KCNMA1: variants seen among roughly 807,000 people sequenced by gnomAD.
KCNMA1 encodes the protein potassium calcium-activated channel subfamily M alpha 1.
In KCNMA1, 29 loss-of-function variants were observed where a neutral mutation model predicts 140.0. The observed-to-expected ratio is 0.21, with a 90% CI of 0.15 to 0.28. The LOEUF (loss-of-function observed/expected upper bound fraction) is 0.28, where lower values mean the gene tolerates loss of function less well. KCNMA1 is among the 10% of genes least tolerant of loss of function. The pLI is 1.00. For missense variants in KCNMA1, 880 were observed against 1,602.2 expected (o/e 0.55, Z 7.70); for synonymous variants, 612 against 611.9 (o/e 1.00, Z 0.00).
chr10:77,558,277 T>C (rs2065214101), intron 1 of KCNMA1, among the ~76,000 whole-genome samples: 1 of 152,108 alleles, frequency 6.6e-6, no homozygotes, highest in South Asian at 2.1e-4. Context: ...AATCAGGTAA[T>C]ACCCTGGCAG....
chr10:77,042,939 C>T (rs957208154), intron 14 of KCNMA1, among the ~76,000 whole-genome samples: 2 of 152,056 alleles, frequency 1.3e-5, no homozygotes, highest in African/African-American at 2.4e-5. Flanking sequence ...TATTTACTTC[C>T]CCATATTTTT....
intron 2 of KCNMA1, among the ~76,000 whole-genome samples, chr10:77,363,667 G>T (rs1603418640): frequency 6.6e-6 from 1 of 152,172 alleles, no homozygotes; most frequent in Non-Finnish European, 1.5e-5. Context: ...TCACTGGCTT[G>T]GCCATCCAAT....
chr10:77,182,301 A>G (rs148771082), intron 5 of KCNMA1, among the ~76,000 whole-genome samples: 1 of 152,376 alleles, frequency 6.6e-6, no homozygotes, highest in Non-Finnish European at 1.5e-5. Context: ...TTATGGCTGA[A>G]TATACTGCGA....
chr10:76,888,228 A>T (rs3781139), intron 27 of KCNMA1: 29,276 of 152,784 alleles, frequency 0.19, 3,031 homozygotes, highest in Non-Finnish European at 0.23. Flanking sequence ...GACCTACTGA[A>T]TTGGAAGTGC....
chr10:77,479,832 C>T (rs1461559018), intron 1 of KCNMA1, among the ~76,000 whole-genome samples: 4 of 152,186 alleles, frequency 2.6e-5, no homozygotes, highest in African/African-American at 4.8e-5. Context: ...CAGGCTAGGA[C>T]AAGTTGTTTA....
intron 2 of KCNMA1, among the ~76,000 whole-genome samples, chr10:77,259,746 C>T (rs2154264135): frequency 6.6e-6 from 1 of 152,316 alleles, no homozygotes; most frequent in Non-Finnish European, 1.5e-5. Flanking sequence ...TGTCACTTCC[C>T]TGCCCACAGG....
At chr10:77,012,183 T>C in intron 17 of KCNMA1, 140 bp from the exon 18 acceptor site, 1 of 1,531,230 alleles carries the variant, frequency 6.5e-7, no homozygotes, top group Admixed American at 2.1e-5. Context: ...GGTTTAGACA[T>C]TTGCAGACGG....
chr10:77,375,805 T>A (rs576854587), intron 2 of KCNMA1, among the ~76,000 whole-genome samples: 18 of 152,298 alleles, frequency 1.2e-4, no homozygotes, highest in Admixed American at 1.2e-3. Flanking sequence ...AGTGATGGAA[T>A]AAAGGCCCAT....
At chr10:77,472,653 T>C (rs1055336808) in intron 1 of KCNMA1, among the ~76,000 whole-genome samples, 2 of 152,244 alleles carry the variant, frequency 1.3e-5, no homozygotes, top group Non-Finnish European at 2.9e-5. Context: ...TTCTAGAGTC[T>C]GATTTTCCCA....
intron 2 of KCNMA1, among the ~76,000 whole-genome samples, chr10:77,269,934 C>A (rs1325539802): frequency 6.6e-6 from 1 of 152,210 alleles, no homozygotes; most frequent in Non-Finnish European, 1.5e-5. Context: ...TAAGTAGAGG[C>A]TGGGACAGAG....
intron 15 of KCNMA1, among the ~76,000 whole-genome samples, chr10:77,033,716 A>G (rs1294428751): frequency 6.6e-6 from 1 of 152,180 alleles, no homozygotes; most frequent in East Asian, 1.9e-4. Flanking sequence ...CCTTCTGTAG[A>G]GAATTCTGGA....
At chr10:77,290,571 G>A (rs759781094) in intron 2 of KCNMA1, among the ~76,000 whole-genome samples, 4 of 152,160 alleles carry the variant, frequency 2.6e-5, no homozygotes, top group African/African-American at 9.7e-5. Flanking sequence ...AATTATTCAC[G>A]TGCACAGACC....
At chr10:77,161,288 C>G (rs1177382503) in intron 5 of KCNMA1, among the ~76,000 whole-genome samples, 1 of 152,192 alleles carries the variant, frequency 6.6e-6, no homozygotes, top group African/African-American at 2.4e-5. Context: ...GTGTTTGTCA[C>G]CCAGGCTGGG....
intron 2 of KCNMA1, among the ~76,000 whole-genome samples, chr10:77,369,455 G>A (rs2094548786): frequency 6.6e-6 from 1 of 152,116 alleles, no homozygotes; most frequent in Admixed American, 6.5e-5. Context: ...AACCCAGTCT[G>A]GGCTCTTGTG....
intron 3 of KCNMA1, among the ~76,000 whole-genome samples, chr10:77,235,982 G>A (rs766132430): frequency 1.8e-4 from 28 of 152,154 alleles, no homozygotes; most frequent in Non-Finnish European, 3.8e-4. Flanking sequence ...TTTTGGGTAG[G>A]GGCTGACCAT....
At chr10:76,989,815 A>T (rs1220529120) in intron 19 of KCNMA1, among the ~76,000 whole-genome samples, 1 of 151,628 alleles carries the variant, frequency 6.6e-6, no homozygotes, top group Non-Finnish European at 1.5e-5. Flanking sequence ...ATTTGAAAAA[A>T]AAAAAAGCAC....
chr10:76,886,249 A>C lies in KCNMA1; in HGVS notation c.*1017T>G, dbSNP rs1490910298. The C allele has an allele frequency of 1.0e-6, 1 of 985,262 alleles. No homozygotes were observed. The highest frequency in any genetic ancestry group is 1.2e-6 in the Non-Finnish European group (1 of 829,898). 61.0% of individuals were successfully genotyped at this position (985,262 alleles called of 1,614,324 possible). ...GGCCCTAACTAATCAAACAAAGGGGAGTAAAAAGATCCCCTGAGAATGCAT... is the reference window on the plus strand; with the variant it reads ...GGCCCTAACTAATCAAACAAAGGGGCGTAAAAAGATCCCCTGAGAATGCAT... On this transcript the variant is annotated 3_prime_UTR_variant, in exon 28 of 28. Transcript: ENST00000286628.
chr10:77,258,593 AT>A (rs1279610793), intron 2 of KCNMA1, among the ~76,000 whole-genome samples: 1 of 152,056 alleles, frequency 6.6e-6, no homozygotes, highest in Non-Finnish European at 1.5e-5. Context: ...AAAGAAAATG[AT>A]TTTTTTCTCT....
intron 5 of KCNMA1, among the ~76,000 whole-genome samples, chr10:77,174,494 C>T (rs2154107336): frequency 6.6e-6 from 1 of 152,342 alleles, no homozygotes; most frequent in South Asian, 2.1e-4. Flanking sequence ...TCCAGCTCCG[C>T]AGCCAATGAG....
Sources: allele counts gnomAD v4.1 joint callset (sites outside exome capture counted in the v4.1 genomes callset), GRCh38; gene constraint gnomAD v4.1.1; transcripts MANE v1.5; gene names NCBI Gene and HGNC (gene_info 2026-07-23, HGNC 2026-07-21).